The following RORA variants were observed in gnomAD, a reference collection of about 807,000 sequenced individuals.
RORA encodes nuclear receptor ROR-alpha.
RORA carries 7 observed loss-of-function variants against 69.5 expected under a neutral mutation model. The observed-to-expected ratio is 0.10, with a 90% CI of 0.06 to 0.19. RORA has a LOEUF of 0.19. RORA is among the 10% of genes least tolerant of loss of function. The pLI is 1.00. For missense variants in RORA, 457 were observed against 663.0 expected, an observed-to-expected ratio of 0.69 and a Z score of 3.41; for synonymous variants, 261 against 240.8, an observed-to-expected ratio of 1.08 and a Z score of -0.78.
intron 1 of RORA, among the ~76,000 whole-genome samples, chr15:60,794,442 A>G (rs1017357646): frequency 1.3e-5 from 2 of 151,466 alleles, no homozygotes; most frequent in East Asian, 2.0e-4. Flanking sequence ...AGATTTGAAC[A>G]TGGTCACCAG....
chr15:60,705,803 A>C (rs1354768456), intron 1 of RORA, among the ~76,000 whole-genome samples: 1 of 152,214 alleles, frequency 6.6e-6, no homozygotes, highest in East Asian at 1.9e-4. Flanking sequence ...AGGGAAGTAT[A>C]ATCTATTTGC....
chr15:60,807,435 C>G (rs1312113726), intron 1 of RORA, among the ~76,000 whole-genome samples: 2 of 152,110 alleles, frequency 1.3e-5, no homozygotes, highest in Non-Finnish European at 2.9e-5. Flanking sequence ...ATGACACAAA[C>G]AAATGAAAAC....
In RORA at chr15:60,728,225, C is replaced by A. The variant is rs1429488126; in HGVS notation, c.167-49539G>T. Among the ~76,000 whole-genome samples, 3 of 152,224 alleles carry A rather than the reference C, an allele frequency of 2.0e-5. No homozygotes were observed. In the East Asian group the frequency reaches 5.8e-4, roughly 29 times the overall value. On this transcript the variant is annotated intron_variant, in intron 1 of 10. Coordinates refer to ENST00000335670, the MANE Select transcript of RORA (RefSeq NM_134261.3). ...TTTTATTTATTTACCTTTTTAGAAT[C>A]AGGTCTCATTATGTCACCCAGGCTA...
intron 1 of RORA, among the ~76,000 whole-genome samples, chr15:60,767,151 C>T (rs1303593588): frequency 6.6e-6 from 1 of 152,180 alleles, no homozygotes; most frequent in African/African-American, 2.4e-5. Context: ...TTAAATAGGG[C>T]TTCCTGCCTG....
chr15:61,130,031 C>T (rs1408759017), intron 1 of RORA, among the ~76,000 whole-genome samples: 2 of 152,158 alleles, frequency 1.3e-5, no homozygotes, highest in Non-Finnish European at 2.9e-5. Context: ...ATAGTGTCTC[C>T]TTTCCTTATC....
At chr15:60,793,457 C>T (rs1349176016) in intron 1 of RORA, among the ~76,000 whole-genome samples, 3 of 152,172 alleles carry the variant, frequency 2.0e-5, no homozygotes, top group East Asian at 1.9e-4. Context: ...CTGCAATGCC[C>T]AATGCAGACA....
In RORA at chr15:60,663,578, C is replaced by T. The variant is rs117345973; in HGVS notation, c.196+15079G>A. 6.1e-3 allele frequency among the ~76,000 whole-genome samples: 929 copies of T among 152,278 alleles called. 42 individuals carry two copies. In the East Asian group the frequency reaches 0.09, roughly 15 times the overall value. ...TCGAGTGATTATCTTGCCTCAGCCC[C>T]CCAAGTAGTTGGGATCACAGGCATA... On this transcript the variant is annotated intron_variant, in intron 2 of 10. Transcript: ENST00000335670.
At position 60,626,653 on chromosome 15, in the gene RORA, TG is replaced by T. The variant is rs1343025424; in HGVS notation, c.196+52003del. ...TATTACCCCCATTTGATAGGACATT[TG>T]GGCTTGTAGAGGTCACTGTCACCAG... On this transcript the variant is annotated intron_variant, in intron 2 of 10. Coordinates refer to ENST00000335670, the MANE Select transcript of RORA (RefSeq NM_134261.3). 2.0e-5 allele frequency among the ~76,000 whole-genome samples: 3 copies of T among 152,120 alleles called. No homozygotes were observed. In the East Asian group the frequency reaches 5.8e-4, roughly 29 times the overall value.
intron 3 of RORA, among the ~76,000 whole-genome samples, chr15:60,521,868 T>C (rs2066178287): frequency 6.6e-6 from 1 of 152,210 alleles, no homozygotes; most frequent in African/African-American, 2.4e-5. Context: ...CTCTCCAGTG[T>C]TCCTCCCTTA....
At chr15:60,680,833 G>A (rs2070631909) in intron 1 of RORA, among the ~76,000 whole-genome samples, 1 of 152,104 alleles carries the variant, frequency 6.6e-6, no homozygotes, top group Admixed American at 6.5e-5. Flanking sequence ...TATAGCCAAT[G>A]AAGATATACC....
At chr15:60,799,059 G>A (rs1286824751) in intron 1 of RORA, among the ~76,000 whole-genome samples, 2 of 152,018 alleles carry the variant, frequency 1.3e-5, no homozygotes, top group Non-Finnish European at 2.9e-5. Context: ...CAGTGAGAGG[G>A]CAGGGACCTT....
chr15:60,539,473 G>A (rs35242267), intron 2 of RORA, among the ~76,000 whole-genome samples: 89 of 152,298 alleles, frequency 5.8e-4, no homozygotes, highest in Admixed American at 1.0e-3. Context: ...GAAGAACAGT[G>A]GGTGGCTTTT....
At chr15:60,983,422 G>A (rs890981358) in intron 1 of RORA, among the ~76,000 whole-genome samples, 4 of 152,154 alleles carry the variant, frequency 2.6e-5, no homozygotes, top group Admixed American at 2.6e-4. Flanking sequence ...GCTGTCTCTG[G>A]TGGGGAAAAT....
intron 2 of RORA, among the ~76,000 whole-genome samples, chr15:60,643,663 C>G (rs72748768): frequency 6.6e-6 from 1 of 152,270 alleles, no homozygotes; most frequent in African/African-American, 2.4e-5. Flanking sequence ...GGCGACACCC[C>G]CTAGCCTGAC....
intron 3 of RORA, among the ~76,000 whole-genome samples, chr15:60,525,635 T>C (rs4414436): frequency 1.3e-5 from 2 of 152,332 alleles, no homozygotes; most frequent in East Asian, 3.8e-4. Flanking sequence ...CATAACTCTG[T>C]GATTTATTGT....
At chr15:61,011,195 A>G (rs1332024995) in intron 1 of RORA, among the ~76,000 whole-genome samples, 2 of 151,640 alleles carry the variant, frequency 1.3e-5, no homozygotes, top group Admixed American at 6.6e-5. Context: ...TCCATTTTGT[A>G]TTTCTTTCCT....
chr15:61,138,825 A>C (rs1307009492), intron 1 of RORA, among the ~76,000 whole-genome samples: 1 of 151,848 alleles, frequency 6.6e-6, no homozygotes, highest in Non-Finnish European at 1.5e-5. Context: ...CACTGCATAA[A>C]ATAAAATAAA....
chr15:60,511,607 G>T lies in RORA; in HGVS notation c.439C>A (p.Arg147=), dbSNP rs1222860434. The T allele has an allele frequency of 1.2e-6, 2 of 1,604,634 alleles. No individual in the cohort carries two copies. Among genetic ancestry groups the T allele is most frequent in the Non-Finnish European group, 1.7e-6 (2 of 1,174,582 alleles). ...CTGTCTCTCTGCTTTTTTGACATTC[G>T]GCCAAATTTTACAGCTGGAAGAAAA... ...GMSRDAVKFG[R]MSKKQRDSLY... is the part of the protein sequence containing the mutation. The change falls in exon 5 of 11, where the codon CGA becomes AGA. Residue 147 remains arginine, a synonymous_variant. Transcript: ENST00000335670. This position sits in a 1 kb window ranked among gnomAD's most constrained non-coding sequence, Gnocchi z 6.4.
At chr15:60,934,466 G>A (rs986078463) in intron 1 of RORA, among the ~76,000 whole-genome samples, 1 of 91,352 alleles carries the variant, frequency 1.1e-5, no homozygotes, top group Non-Finnish European at 2.4e-5. Flanking sequence ...AGGCCCAAGA[G>A]TTTGTTGTTG....
Sources: gnomAD v4.1 joint callset for allele counts (sites outside exome capture counted in the v4.1 genomes callset) on GRCh38, gnomAD v4.1.1 for gene constraint, Gnocchi (gnomAD v3.1) non-coding constraint, MANE v1.5 for transcripts, NCBI Gene and HGNC (gene_info 2026-07-23, HGNC 2026-07-21) for gene names.